Variants in CSMD3 observed in about 807,000 individuals in gnomAD.
CSMD3 encodes the protein CUB and Sushi multiple domains 3, also known as CUB and sushi domain-containing protein 3.
A neutral mutation model predicts 435.2 loss-of-function variants in CSMD3; 177 were observed. The observed-to-expected ratio is 0.41, with a 90% CI of 0.36 to 0.46. The LOEUF (loss-of-function observed/expected upper bound fraction) is 0.46. CSMD3 is among the 20% of genes least tolerant of loss of function. CSMD3 has a pLI of 0.34. For synonymous variants in CSMD3, 1,656 were observed against 1,520.5 expected (o/e 1.09, Z -2.07); for missense variants, 4,265 against 4,504.6 (o/e 0.95, Z 1.52).
At chr8:113,423,834 A>AT (rs1172233787) in intron 1 of CSMD3, among the ~76,000 whole-genome samples, 10 of 151,860 alleles carry the variant, frequency 6.6e-5, no homozygotes, top group African/African-American at 9.7e-5. Flanking sequence ...ACTCAAAGCC[A>AT]TTTTTTCTCC....
At position 112,254,312 on chromosome 8, in the gene CSMD3, A is replaced by C; in HGVS notation, c.10051T>G (p.Ser3351Ala). The change falls in exon 63 of 71, where the codon TCT becomes GCT. Residue 3351 changes from serine to alanine, a missense_variant. This residue lies in a region of CSMD3 where 3,255 missense variants were observed against 3,380.2 expected (regional missense o/e 0.96). Coordinates refer to ENST00000297405, the MANE Select transcript of CSMD3 (RefSeq NM_198123.2). ...SPHCIEPTQT[S>A]CENPGVPRHG... ...CGAGGCACACCTGGGTTTTCACAAG[A>C]GGTTTGGGTAGGCTCTAAAATGAAG... The C allele has an allele frequency of 6.2e-7, 1 of 1,611,220 alleles. No homozygotes were observed. Among genetic ancestry groups the C allele is most frequent in the Non-Finnish European group, 8.5e-7 (1 of 1,177,578 alleles).
chr8:112,638,046 T>A lies in CSMD3; in HGVS notation c.3526+650A>T, dbSNP rs796495881. Among the ~76,000 whole-genome samples, 45 of 151,804 alleles carry A rather than the reference T, an allele frequency of 3.0e-4. 1 individual carries two copies. Among genetic ancestry groups the A allele is most frequent in the African/African-American group, 1.1e-3 (45 of 41,504 alleles). ...GTGGTGGGAATACATTTTATTTTCTTTGGTCTCATACAATTTTTTCCCCCT... is the reference window on the plus strand; with the variant it reads ...GTGGTGGGAATACATTTTATTTTCTATGGTCTCATACAATTTTTTCCCCCT... On this transcript the variant is annotated intron_variant, in intron 21 of 70. Coordinates refer to ENST00000297405, the MANE Select transcript of CSMD3 (RefSeq NM_198123.2).
chr8:113,133,376 C>G (rs1007408737), intron 4 of CSMD3, among the ~76,000 whole-genome samples: 1 of 152,030 alleles, frequency 6.6e-6, no homozygotes, highest in African/African-American at 2.4e-5. Context: ...CACCTCACAC[C>G]GTTAGGATTG....
intron 27 of CSMD3, among the ~76,000 whole-genome samples, chr8:112,520,766 G>A (rs1321046629): frequency 6.6e-6 from 1 of 151,772 alleles, no homozygotes; most frequent in East Asian, 1.9e-4. Context: ...ACATTTTAAA[G>A]TAACTACAAT....
rs1820955944 is a variant in CSMD3, at chr8:112,301,871, C to G, written c.8362G>C (p.Gly2788Arg). ...GSTAIFTCDL[G>R]FMLVGSAVRE... ...ACAGCAGAGCCCACAAGCATGAATC[C>G]CAAGTCGCAGGTAAAGATAGCTGTT... is the stretch of plus-strand genomic sequence containing the variant. The change falls in exon 53 of 71, where the codon GGA becomes CGA. Residue 2788 changes from glycine to arginine, a missense_variant. Gly to Arg is a moderately radical substitution (Grantham distance 125). Coordinates refer to ENST00000297405, the MANE Select transcript of CSMD3 (RefSeq NM_198123.2). The G allele has an allele frequency of 1.2e-6, 2 of 1,613,778 alleles. No homozygotes were observed. The highest frequency in any genetic ancestry group is 1.1e-5 in the South Asian group (1 of 91,074).
intron 25 of CSMD3, among the ~76,000 whole-genome samples, chr8:112,555,278 TCTTCAG>T (rs1424154678): frequency 3.9e-5 from 6 of 151,974 alleles, no homozygotes; most frequent in African/African-American, 1.4e-4. Context: ...GTAGAGAATA[TCTTCAG>T]CTTGTTTCAA....
At chr8:112,260,349 C>T (rs1358305878) in intron 61 of CSMD3, among the ~76,000 whole-genome samples, 3 of 152,040 alleles carry the variant, frequency 2.0e-5, no homozygotes, top group Non-Finnish European at 4.4e-5. Context: ...TGTGCCCTTG[C>T]AATTTGATTT....
At chr8:112,336,085 T>C (rs1035956545) in intron 44 of CSMD3, among the ~76,000 whole-genome samples, 1 of 152,028 alleles carries the variant, frequency 6.6e-6, no homozygotes, top group African/African-American at 2.4e-5. Context: ...GCTAATTTTT[T>C]ATTTTTTCTA....
At chr8:113,380,993 G>A (rs1478323337) in intron 1 of CSMD3, among the ~76,000 whole-genome samples, 2 of 152,230 alleles carry the variant, frequency 1.3e-5, no homozygotes, top group East Asian at 1.9e-4. Flanking sequence ...CCTTTTCCAG[G>A]CAGTCAGCTC....
intron 2 of CSMD3, chr8:113,310,559 C>T (rs879914753): frequency 2.0e-5 from 3 of 151,508 alleles, no homozygotes; most frequent in Non-Finnish European, 4.4e-5. Flanking sequence ...AGAAAACCAG[C>T]ATGGTTATCA....
intron 8 of CSMD3, among the ~76,000 whole-genome samples, chr8:112,950,332 T>G (rs576793452): frequency 3.3e-5 from 5 of 152,026 alleles, no homozygotes; most frequent in Admixed American, 6.6e-5. Flanking sequence ...AAATGTGACT[T>G]TTTAAAATGT....
intron 3 of CSMD3, among the ~76,000 whole-genome samples, chr8:113,193,080 G>A (rs2092608101): frequency 6.6e-6 from 1 of 151,334 alleles, no homozygotes; most frequent in African/African-American, 2.4e-5. Context: ...CACCTGCTTA[G>A]GGAATACAGA....
chr8:112,385,932 A>G (rs1829905206), intron 36 of CSMD3, among the ~76,000 whole-genome samples: 1 of 152,146 alleles, frequency 6.6e-6, no homozygotes, highest in South Asian at 2.1e-4. Context: ...TGGAACCTCT[A>G]AATACTACCG....
At chr8:113,347,549 C>T (rs2094160405) in intron 1 of CSMD3, among the ~76,000 whole-genome samples, 1 of 152,018 alleles carries the variant, frequency 6.6e-6, no homozygotes, top group Non-Finnish European at 1.5e-5. Flanking sequence ...GTTTGGAGAG[C>T]AAGAGTGGGA....
intron 32 of CSMD3, among the ~76,000 whole-genome samples, chr8:112,432,873 C>A (rs1813860667): frequency 6.8e-6 from 1 of 146,978 alleles, no homozygotes; most frequent in Non-Finnish European, 1.5e-5. Flanking sequence ...CCCAGGAGTT[C>A]AAGACCAGCC....
chr8:112,980,538 C>T (rs2085012319), intron 6 of CSMD3, among the ~76,000 whole-genome samples: 1 of 151,042 alleles, frequency 6.6e-6, no homozygotes, highest in Non-Finnish European at 1.5e-5. Context: ...CAAATAACAC[C>T]AACATAAAGT....
intron 22 of CSMD3, among the ~76,000 whole-genome samples, chr8:112,635,641 G>A (rs953467352): frequency 6.6e-6 from 1 of 151,996 alleles, no homozygotes; most frequent in African/African-American, 2.4e-5. Flanking sequence ...GATTTTTAAA[G>A]AGAAATTTCA....
chr8:112,661,696 T>C (rs998116243), intron 17 of CSMD3, among the ~76,000 whole-genome samples: 8 of 152,152 alleles, frequency 5.3e-5, no homozygotes, highest in Admixed American at 2.6e-4. Context: ...TTGGCTTATA[T>C]AGTATTTTAA....
chr8:112,503,990 A>T lies in CSMD3; in HGVS notation c.4896-13T>A. The T allele has an allele frequency of 6.6e-7, 1 of 1,512,404 alleles. No homozygotes were observed. 93.7% of individuals were successfully genotyped at this position (1,512,404 alleles called of 1,614,324 possible). The stretch of plus-strand genomic sequence containing the variant: ...TTCTATGCTAAAACTGAAAAAAAAA[A>T]GGAAAGAACAAAAGAAAGAAAGAGA... On this transcript the variant is annotated splice_polypyrimidine_tract_variant and intron_variant, in intron 29 of 70. Transcript: ENST00000297405.
Sources: gnomAD v4.1 joint callset for allele counts (sites outside exome capture counted in the v4.1 genomes callset) on GRCh38, gnomAD v4.1.1 for gene constraint, gnomAD v4.1.1 regional missense constraint, MANE v1.5 for transcripts, NCBI Gene and HGNC (gene_info 2026-07-23, HGNC 2026-07-21) for gene names.